The following XIRP2 variants were observed in gnomAD, a reference collection of about 807,000 sequenced individuals.
The protein encoded by XIRP2 is xin actin-binding repeat-containing protein 2.
XIRP2 carries 236 observed loss-of-function variants against 277.0 expected under a neutral mutation model. The observed-to-expected ratio is 0.85, with a 90% confidence interval of 0.77 to 0.95. The LOEUF is 0.95. Among genes scored for constraint, XIRP2 ranks in the 40% least tolerant of loss-of-function variants. The pLI is 0.00. For missense variants in XIRP2, 4,640 were observed against 4,157.5 expected, an observed-to-expected ratio of 1.12 and a Z score of -3.19; for synonymous variants, 1,490 against 1,416.5, an observed-to-expected ratio of 1.05 and a Z score of -1.17.
intron 5 of XIRP2, among the ~76,000 whole-genome samples, chr2:167,218,785 A>T (rs1694333372): frequency 6.6e-6 from 1 of 152,196 alleles, no homozygotes; most frequent in Non-Finnish European, 1.5e-5. Context: ...ACATAAAACC[A>T]CATAATATGA....
intron 2 of XIRP2, among the ~76,000 whole-genome samples, chr2:167,059,370 G>A (rs910536448): frequency 1.3e-5 from 2 of 150,922 alleles, no homozygotes; most frequent in East Asian, 1.9e-4. Context: ...CGCCCATCTC[G>A]CTGAAGTGCT....
intron 2 of XIRP2, among the ~76,000 whole-genome samples, chr2:167,036,612 T>G (rs1445597606): frequency 1.3e-5 from 2 of 152,094 alleles, no homozygotes; most frequent in African/African-American, 4.8e-5. Flanking sequence ...AGATAAAACT[T>G]TGGACTGAAG....
intron 2 of XIRP2, among the ~76,000 whole-genome samples, chr2:166,922,352 T>C (rs1011992919): frequency 2.0e-5 from 3 of 152,132 alleles, no homozygotes; most frequent in African/African-American, 2.4e-5. Context: ...TAATAATCAA[T>C]GATAGCCCAT....
rs145843756 is a variant in XIRP2 at position 167,007,679 on chromosome 2, ACTCTCTCTCT to A, written c.408+103805_408+103814del. Among the ~76,000 whole-genome samples, 818 of 142,378 alleles carry A rather than the reference ACTCTCTCTCT, an allele frequency of 5.7e-3. 11 individuals carry two copies. Among genetic ancestry groups the A allele is most frequent in the African/African-American group, 0.021 (780 of 37,776 alleles). 93.4% of individuals were successfully genotyped at this position (142,378 alleles called of 152,430 possible). A position where few individuals can be genotyped will look rare whatever the true frequency, so the allele number is the denominator to read the frequency against. ...ATACATATATCTTACCCACATGTAC[ACTCTCTCTCT>A]CTCTCTCTCTCTCTCACACACACAC... On this transcript the variant is annotated intron_variant, in intron 2 of 10. Coordinates refer to ENST00000409195, the MANE Select transcript of XIRP2 (RefSeq NM_152381.6).
intron 3 of XIRP2, among the ~76,000 whole-genome samples, chr2:167,206,090 G>T (rs997193969): frequency 3.3e-5 from 5 of 152,056 alleles, no homozygotes; most frequent in Admixed American, 1.3e-4. Context: ...TCTGAATTTT[G>T]TTTCTTTACT....
At chr2:167,183,037 C>G (rs549980041) in intron 3 of XIRP2, among the ~76,000 whole-genome samples, 1 of 152,258 alleles carries the variant, frequency 6.6e-6, no homozygotes, top group East Asian at 1.9e-4. Flanking sequence ...AGTACCCTAA[C>G]CAGATCAATT....
intron 2 of XIRP2, among the ~76,000 whole-genome samples, chr2:167,127,881 A>G (rs769818613): frequency 1.3e-4 from 20 of 152,330 alleles, no homozygotes; most frequent in Admixed American, 1.0e-3. Context: ...AGAGAAGTAT[A>G]TGCTTGTTGG....
chr2:167,224,812 A>G (rs1207722619), intron 5 of XIRP2, among the ~76,000 whole-genome samples: 2 of 152,112 alleles, frequency 1.3e-5, no homozygotes, highest in African/African-American at 4.8e-5. Context: ...GTAAAAAGAC[A>G]AAGAAGGATT....
Position 167,244,635 on chromosome 2 carries a change from A to G in XIRP2, c.3243A>G (p.Glu1081=), listed in dbSNP as rs1448102329. ...SDVEETESKT[E]QTRDIVKGDV... ...TGGAAGAAACAGAAAGTAAAACTGAACAAACTAGAGATATTGTTAAAGGGG... is the reference window on the plus strand; with the variant it reads ...TGGAAGAAACAGAAAGTAAAACTGAGCAAACTAGAGATATTGTTAAAGGGG... Residue 1081 remains glutamate (E), a synonymous_variant, in exon 9 of 11, where the codon GAA becomes GAG. Transcript: ENST00000409195. 3 of 1,613,180 alleles carry G rather than the reference A, an allele frequency of 1.9e-6. No individual in the cohort carries two copies. In the African/African-American group the frequency reaches 4.0e-5, roughly 22 times the overall value.
rs1684440724 is a variant in XIRP2, at chr2:166,903,641, A to G, written c.159A>G (p.Ala53=). Residue 53 remains alanine (A), a synonymous_variant, in exon 2 of 11, where the codon GCA becomes GCG. Transcript: ENST00000409195. ...LLAPEGEVVS[A]PQSLDPTSLP... is the part of the protein sequence containing the mutation. ...CGCCTGAAGGAGAGGTAGTATCAGC[A>G]CCTCAATCTTTGGATCCCACAAGTC... 1 of 1,613,466 alleles carries G rather than the reference A, an allele frequency of 6.2e-7. No homozygotes were observed. Among genetic ancestry groups the G allele is most frequent in the African/African-American group, 1.3e-5 (1 of 74,866 alleles).
intron 2 of XIRP2, among the ~76,000 whole-genome samples, chr2:166,964,359 G>T (rs1686373491): frequency 6.6e-6 from 1 of 151,808 alleles, no homozygotes; most frequent in African/African-American, 2.4e-5. Flanking sequence ...GTAAGAGGTT[G>T]AAAATCTGTT....
At chr2:167,087,804 G>T (rs979569705) in intron 2 of XIRP2, among the ~76,000 whole-genome samples, 1 of 152,118 alleles carries the variant, frequency 6.6e-6, no homozygotes, top group South Asian at 2.1e-4. Context: ...TTCGGCTCGC[G>T]CACGGTGCGT....
At chr2:167,065,254 G>A (rs914568401) in intron 2 of XIRP2, among the ~76,000 whole-genome samples, 2 of 151,790 alleles carry the variant, frequency 1.3e-5, no homozygotes, top group African/African-American at 4.8e-5. Flanking sequence ...TTAATAAATA[G>A]TGATATTAAA....
Position 167,223,210 on chromosome 2 carries a change from CT to C in XIRP2, c.858+4919del, listed in dbSNP as rs1037125392. On this transcript the variant is annotated intron_variant, in intron 5 of 10. Coordinates refer to ENST00000409195, the MANE Select transcript of XIRP2 (RefSeq NM_152381.6). ...AGAAGCTTCTTCTTTCCTCAAGTTG[CT>C]TTTTTTTTCCTAAGTAGCATAAGTA... Among the ~76,000 whole-genome samples the C allele has an allele frequency of 4.5e-4, 68 of 151,172 alleles. No individual in the cohort carries two copies. The South Asian group carries it at 0.013, about 28-fold the overall frequency.
chr2:166,915,299 CAAAAAAAAAAAAAAAAA>C (rs993808427), intron 2 of XIRP2, among the ~76,000 whole-genome samples: 1 of 40,132 alleles, frequency 2.5e-5, no homozygotes, highest in South Asian at 8.3e-4. Flanking sequence ...GACTCCGTCT[CAAAAAAAAAAAAAAAAA>C]AAAAAAGAAA....
intron 2 of XIRP2, among the ~76,000 whole-genome samples, chr2:166,913,313 C>G (rs962262087): frequency 1.8e-4 from 23 of 128,708 alleles, no homozygotes; most frequent in Middle Eastern, 3.5e-3. Flanking sequence ...GGTGGGCACC[C>G]CCCCCCCCCA....
chr2:166,913,185 A>G (rs1447306926), intron 2 of XIRP2, among the ~76,000 whole-genome samples: 1 of 152,164 alleles, frequency 6.6e-6, no homozygotes, highest in African/African-American at 2.4e-5. Flanking sequence ...TTGTTCAGCT[A>G]TGCTTTGCCC....
At chr2:166,904,784 G>GT (rs1033706825) in intron 2 of XIRP2, among the ~76,000 whole-genome samples, 5 of 151,840 alleles carry the variant, frequency 3.3e-5, no homozygotes, top group South Asian at 2.1e-4. Flanking sequence ...TTGTTTGATT[G>GT]TTTTTTTGTT....
At chr2:167,018,404 G>A (rs538767394) in intron 2 of XIRP2, among the ~76,000 whole-genome samples, 3 of 151,958 alleles carry the variant, frequency 2.0e-5, no homozygotes, top group Non-Finnish European at 4.4e-5. Context: ...TATGAAAAAG[G>A]CATTCTGGGA....
Sources: gnomAD v4.1 joint callset for allele counts (sites outside exome capture counted in the v4.1 genomes callset) on GRCh38, gnomAD v4.1.1 for gene constraint, MANE v1.5 for transcripts, NCBI Gene and HGNC (gene_info 2026-07-23, HGNC 2026-07-21) for gene names.